SLC1A3: variants seen among roughly 807,000 people sequenced by gnomAD.
The protein encoded by SLC1A3 is excitatory amino acid transporter 1.
Under a neutral mutation model 48.1 loss-of-function variants are expected in SLC1A3, and 21 were observed. The ratio of observed to expected loss-of-function variants is 0.44; its 90% confidence interval spans 0.31 to 0.63. The LOEUF (loss-of-function observed/expected upper bound fraction) is 0.63. SLC1A3 is among the 20% of genes least tolerant of loss of function. The probability of loss-of-function intolerance (pLI) is 0.08; values close to 1 mark genes in which losing one functional copy is unlikely to be tolerated. For synonymous variants in SLC1A3, 239 were observed against 251.4 expected (o/e 0.95, Z 0.47); for missense variants, 546 against 689.0 (o/e 0.79, Z 2.32).
rs953582019 is a variant in SLC1A3 at position 36,686,396 on chromosome 5, T to C, written c.*127T>C. 6.4e-6 allele frequency: 5 copies of C among 784,722 alleles called. No homozygotes were observed. Among genetic ancestry groups the C allele is most frequent in the Non-Finnish European group, 1.1e-5 (5 of 458,606 alleles). The allele number at this position is 784,722 out of a possible 1,614,324, so 48.6% of individuals were successfully genotyped here. A position where few individuals can be genotyped will look rare whatever the true frequency, so the allele number is the denominator to read the frequency against. On this transcript the variant is annotated 3_prime_UTR_variant, in exon 10 of 10. Coordinates refer to ENST00000265113, the MANE Select transcript of SLC1A3 (RefSeq NM_004172.5). The stretch of plus-strand genomic sequence containing the variant: ...TCCCTTTCCTCCCTTCTGATAAGAC[T>C]GGAAAATAGTCCTCCAAAACACAAG...
In SLC1A3 at chr5:36,662,693, A is replaced by T. The variant is rs370144900; in HGVS notation, c.320-8336A>T. On this transcript the variant is annotated intron_variant, in intron 3 of 9. Transcript: ENST00000265113. ...CGCCGGCAGCTGTGGGCCTCTGAGAAGTGAATTTCGGAGCTGCCCCTTCTG... is the reference window on the plus strand; with the variant it reads ...CGCCGGCAGCTGTGGGCCTCTGAGATGTGAATTTCGGAGCTGCCCCTTCTG... Among the ~76,000 whole-genome samples the T allele has an allele frequency of 2.6e-5, 4 of 152,328 alleles. No homozygotes were observed. In the East Asian group the frequency reaches 5.8e-4, roughly 22 times the overall value.
chr5:36,686,360 G>A lies in SLC1A3; in HGVS notation c.*91G>A, dbSNP rs879863351. ...CATTACAGCTCATTCGCTCCAGCAA[G>A]CCCGTCATCTTCCCTTTCCTCCCTT... On this transcript the variant is annotated 3_prime_UTR_variant, in exon 10 of 10. Coordinates refer to ENST00000265113, the MANE Select transcript of SLC1A3 (RefSeq NM_004172.5). The A allele has an allele frequency of 9.1e-6, 9 of 991,726 alleles. No homozygotes were observed. Among genetic ancestry groups the A allele is most frequent in the Non-Finnish European group, 1.4e-5 (9 of 621,252 alleles). 61.4% of individuals were successfully genotyped at this position (991,726 alleles called of 1,614,324 possible).
chr5:36,686,309 A>G lies in SLC1A3; in HGVS notation c.*40A>G. 1 of 1,453,016 alleles carries G rather than the reference A, an allele frequency of 6.9e-7. No individual in the cohort carries two copies. The highest frequency in any genetic ancestry group is 1.1e-5 in the South Asian group (1 of 87,816). The allele number at this position is 1,453,016 out of a possible 1,614,324, so 90.0% of individuals were successfully genotyped here. On this transcript the variant is annotated 3_prime_UTR_variant, in exon 10 of 10. Transcript: ENST00000265113. ...ACACTTTCTTGAGCACCAGGTGTTA[A>G]AAACCATTATAAAATCTTTCCATCT...
intron 3 of SLC1A3, among the ~76,000 whole-genome samples, chr5:36,653,660 C>T (rs1741174266): frequency 6.6e-6 from 1 of 152,212 alleles, no homozygotes; most frequent in Admixed American, 6.5e-5. Context: ...CAGATCTCTT[C>T]TTTCTCAACC....
At chr5:36,683,819 G>A in intron 8 of SLC1A3, 45 bp from the exon 9 acceptor site, 3 of 1,612,964 alleles carry the variant, frequency 1.9e-6, no homozygotes, top group Middle Eastern at 1.7e-4. Flanking sequence ...CTCTACGTGG[G>A]GAGCTTTGTA....
intron 5 of SLC1A3, among the ~76,000 whole-genome samples, chr5:36,676,474 CAGAAA>C (rs997564128): frequency 6.2e-4 from 95 of 152,170 alleles, no homozygotes; most frequent in Middle Eastern, 6.8e-3. Flanking sequence ...ATGATCCCCA[CAGAAA>C]AGAAAAGGAC....
At chr5:36,658,140 CG>C (rs1741357053) in intron 3 of SLC1A3, among the ~76,000 whole-genome samples, 1 of 152,016 alleles carries the variant, frequency 6.6e-6, no homozygotes, top group Non-Finnish European at 1.5e-5. Context: ...TAAAACAAAG[CG>C]CCCCACGAAA....
chr5:36,627,569 C>G (rs1035700180), intron 2 of SLC1A3, among the ~76,000 whole-genome samples: 1 of 151,734 alleles, frequency 6.6e-6, no homozygotes, highest in South Asian at 2.1e-4. Flanking sequence ...GTGAAAAATG[C>G]CAAACAACCT....
chr5:36,673,584 A>G (rs1231112827), intron 4 of SLC1A3, among the ~76,000 whole-genome samples: 2 of 152,230 alleles, frequency 1.3e-5, no homozygotes, highest in Non-Finnish European at 2.9e-5. Context: ...CCCATTCCCC[A>G]GAACGCCTTT....
chr5:36,625,009 C>T (rs1400857495), intron 2 of SLC1A3, among the ~76,000 whole-genome samples: 1 of 152,154 alleles, frequency 6.6e-6, no homozygotes, highest in Non-Finnish European at 1.5e-5. Context: ...TATACTCAGG[C>T]CTAGGCTACA....
Position 36,686,273 on chromosome 5 carries a change from A to G in SLC1A3, c.*4A>G, listed in dbSNP as rs758591864. On this transcript the variant is annotated 3_prime_UTR_variant, in exon 10 of 10. Transcript: ENST00000265113. ...CGACAGTGAAACCAAGATGTAGACT[A>G]ACATAAAGAAACACTTTCTTGAGCA... 2 of 1,595,016 alleles carry G rather than the reference A, an allele frequency of 1.3e-6. No homozygotes were observed. Among genetic ancestry groups the G allele is most frequent in the Non-Finnish European group, 1.7e-6 (2 of 1,162,518 alleles).
At chr5:36,607,502 A>C (rs1739000388) in intron 1 of SLC1A3, among the ~76,000 whole-genome samples, 2 of 152,250 alleles carry the variant, frequency 1.3e-5, no homozygotes, top group Non-Finnish European at 2.9e-5. Flanking sequence ...GTTTGGAATG[A>C]AAATTGGTTT....
At chr5:36,668,627 T>A (rs1298418797) in intron 3 of SLC1A3, 2 of 152,196 alleles carry the variant, frequency 1.3e-5, no homozygotes, top group Non-Finnish European at 1.5e-5. Context: ...AGGGCCAATA[T>A]GCAGAGGTGA....
At chr5:36,646,584 AG>A (rs1181459532) in intron 3 of SLC1A3, among the ~76,000 whole-genome samples, 1 of 152,184 alleles carries the variant, frequency 6.6e-6, no homozygotes, top group Non-Finnish European at 1.5e-5. Flanking sequence ...AGCTCCATGA[AG>A]GCAGACAGTG....
chr5:36,645,825 G>A (rs1740819169), intron 3 of SLC1A3, among the ~76,000 whole-genome samples: 2 of 152,194 alleles, frequency 1.3e-5, no homozygotes, highest in South Asian at 4.1e-4. Flanking sequence ...TAATTGGAGA[G>A]TTAGGGTTAA....
chr5:36,679,052 G>A (rs1407744536), intron 6 of SLC1A3, among the ~76,000 whole-genome samples: 1 of 152,184 alleles, frequency 6.6e-6, no homozygotes, highest in African/African-American at 2.4e-5. Context: ...ATATGGAAAG[G>A]CAATAATAAA....
At chr5:36,640,818 G>C (rs1740586382) in intron 3 of SLC1A3, among the ~76,000 whole-genome samples, 1 of 150,342 alleles carries the variant, frequency 6.7e-6, no homozygotes, top group South Asian at 2.1e-4. Flanking sequence ...TAATACCCCT[G>C]GTCCCCCTCC....
Position 36,687,965 on chromosome 5 carries a change from T to A in SLC1A3, c.*1696T>A, listed in dbSNP as rs1318438133. 6.6e-6 allele frequency: 1 copy of A among 152,244 alleles called. No homozygotes were observed. Among genetic ancestry groups the A allele is most frequent in the Non-Finnish European group, 1.5e-5 (1 of 68,030 alleles). The allele number at this position is 152,244 out of a possible 1,614,324, so 9.4% of individuals were successfully genotyped here. On this transcript the variant is annotated 3_prime_UTR_variant, in exon 10 of 10. Transcript: ENST00000265113. ...ACAAACTGAAAAATCTAGACATAGA[T>A]CCTCTGATATACAATTAGAGATATT...
chr5:36,654,921 C>G (rs983959588), intron 3 of SLC1A3, among the ~76,000 whole-genome samples: 5 of 152,206 alleles, frequency 3.3e-5, no homozygotes, highest in Admixed American at 6.5e-5. Context: ...GACATTCGCT[C>G]TGGCTGCATT....
Sources: gnomAD v4.1 joint callset for allele counts (sites outside exome capture counted in the v4.1 genomes callset) on GRCh38, gnomAD v4.1.1 for gene constraint, MANE v1.5 for transcripts, NCBI Gene and HGNC (gene_info 2026-07-23, HGNC 2026-07-21) for gene names.